Variants in ZBTB16 observed in about 807,000 individuals in gnomAD.
ZBTB16 encodes the protein zinc finger and BTB domain containing 16, also known as zinc finger and BTB domain-containing protein 16.
Under a neutral mutation model 56.8 loss-of-function variants are expected in ZBTB16, and 8 were observed. The observed-to-expected ratio is 0.14, with a 90% CI of 0.08 to 0.25. ZBTB16 has a LOEUF of 0.25. ZBTB16 is among the 10% of genes least tolerant of loss of function. The probability of loss-of-function intolerance (pLI) is 1.00; values close to 1 mark genes in which losing one functional copy is unlikely to be tolerated. For synonymous variants in ZBTB16, 363 were observed against 368.5 expected (o/e 0.98, Z 0.17); for missense variants, 625 against 903.0 (o/e 0.69, Z 3.95).
At chr11:114,144,152 CT>C (rs1009464341) in intron 2 of ZBTB16, among the ~76,000 whole-genome samples, 1 of 151,484 alleles carries the variant, frequency 6.6e-6, no homozygotes, top group African/African-American at 2.4e-5. Context: ...ACACAATCCC[CT>C]TTCTCTGGCC....
intron 2 of ZBTB16, among the ~76,000 whole-genome samples, chr11:114,072,748 T>A (rs1282186815): frequency 6.6e-6 from 1 of 152,078 alleles, no homozygotes; most frequent in Non-Finnish European, 1.5e-5. Flanking sequence ...TTAGTGGACT[T>A]TTCTCTAGTA....
intron 4 of ZBTB16, among the ~76,000 whole-genome samples, chr11:114,199,150 CA>C (rs1482234632): frequency 6.6e-6 from 1 of 152,186 alleles, no homozygotes; most frequent in African/African-American, 2.4e-5. Context: ...ACCGGGATGC[CA>C]GACACGGATG....
chr11:114,209,854 TC>T (rs1943960004), intron 4 of ZBTB16: 1 of 985,328 alleles, frequency 1.0e-6, no homozygotes, highest in Non-Finnish European at 1.2e-6. Context: ...GCTGTGGGTC[TC>T]ATGTTTGTTG....
intron 2 of ZBTB16, among the ~76,000 whole-genome samples, chr11:114,126,614 G>A (rs1368911343): frequency 5.9e-5 from 9 of 152,196 alleles, no homozygotes; most frequent in Non-Finnish European, 1.2e-4. Flanking sequence ...TTAGGGATCC[G>A]GCTGCAGTGA....
chr11:114,120,626 A>G (rs1006063563), intron 2 of ZBTB16, among the ~76,000 whole-genome samples: 2 of 152,068 alleles, frequency 1.3e-5, no homozygotes, highest in African/African-American at 2.4e-5. Flanking sequence ...CACACTCACC[A>G]CTGGCAACCA....
intron 2 of ZBTB16, among the ~76,000 whole-genome samples, chr11:114,124,557 C>CAAAAAAAAAAAAAAAAAA (rs1381254014): frequency 7.3e-5 from 3 of 41,056 alleles, no homozygotes; most frequent in African/African-American, 1.1e-4. Context: ...AAAAAAAAAC[C>CAAAAAAAAAAAAAAAAAA]AAAAAAAAAA....
Position 114,247,292 on chromosome 11 carries a change from C to G in ZBTB16, c.1719C>G (p.Pro573=), listed in dbSNP as rs1002706891. ...SHKRIHTGEK[P]YECNGCGKKF... Reference sequence around the variant, plus strand: ...AACGCATCCACACGGGTGAGAAACCCTACGAGTGCAATGGCTGTGGCAAGA... The same window carrying G: ...AACGCATCCACACGGGTGAGAAACCGTACGAGTGCAATGGCTGTGGCAAGA... Residue 573 remains proline, a synonymous_variant, in exon 6 of 7, where the codon CCC becomes CCG. Coordinates refer to ENST00000335953, the MANE Select transcript of ZBTB16 (RefSeq NM_006006.6). 2.5e-6 allele frequency: 4 copies of G among 1,614,236 alleles called. No homozygotes were observed. Among genetic ancestry groups the G allele is most frequent in the Non-Finnish European group, 3.4e-6 (4 of 1,180,032 alleles).
intron 4 of ZBTB16, among the ~76,000 whole-genome samples, chr11:114,199,414 G>A (rs373162605): frequency 5.9e-5 from 9 of 151,946 alleles, no homozygotes; most frequent in African/African-American, 2.2e-4. Flanking sequence ...GGACATGGAT[G>A]CTGGGCCCCG....
At chr11:114,179,779 A>G (rs1591756019) in intron 3 of ZBTB16, among the ~76,000 whole-genome samples, 1 of 151,614 alleles carries the variant, frequency 6.6e-6, no homozygotes, top group African/African-American at 2.4e-5. Flanking sequence ...ACACCACCCC[A>G]TATCTGATTG....
chr11:114,060,872 G>C lies in ZBTB16; in HGVS notation c.-91+990G>C, dbSNP rs1938818903. 6.6e-6 allele frequency among the ~76,000 whole-genome samples: 1 copy of C among 152,074 alleles called. No individual in the cohort carries two copies. Among genetic ancestry groups the C allele is most frequent in the Admixed American group, 6.5e-5 (1 of 15,282 alleles). ...CCCAGGGGGTCACGGCCCTGGGTCG[G>C]AGAGGGAGGGCGGGCAGACCCCTTC... On this transcript the variant is annotated intron_variant, in intron 1 of 6. Coordinates refer to ENST00000335953, the MANE Select transcript of ZBTB16 (RefSeq NM_006006.6). This position sits in a 1 kb window ranked among gnomAD's most constrained non-coding sequence, Gnocchi z 6.0.
At chr11:114,210,200 C>CGCGT (rs2135127853) in intron 4 of ZBTB16, among the ~76,000 whole-genome samples, 1 of 140,682 alleles carries the variant, frequency 7.1e-6, no homozygotes, top group South Asian at 2.2e-4. Context: ...TGTGCGTGCG[C>CGCGT]GCGCGTGCAC....
intron 5 of ZBTB16, among the ~76,000 whole-genome samples, chr11:114,244,537 C>T (rs539862583): frequency 1.3e-5 from 2 of 152,320 alleles, no homozygotes; most frequent in East Asian, 3.9e-4. Context: ...GCCACACTGA[C>T]ACAATCAGCT....
At chr11:114,142,083 G>A (rs771043282) in intron 2 of ZBTB16, among the ~76,000 whole-genome samples, 8 of 152,182 alleles carry the variant, frequency 5.3e-5, no homozygotes, top group Non-Finnish European at 1.0e-4. Flanking sequence ...AAGGCACTTG[G>A]GCTTCTGGAG....
intron 4 of ZBTB16, among the ~76,000 whole-genome samples, chr11:114,232,934 T>G (rs895032269): frequency 6.6e-6 from 1 of 152,130 alleles, no homozygotes; most frequent in Non-Finnish European, 1.5e-5. Flanking sequence ...GCTTAAGGCC[T>G]TGGACCCCGT....
At position 114,070,298 on chromosome 11, in the gene ZBTB16, C is replaced by T. The variant is rs574585286; in HGVS notation, c.1268+5730C>T. Among the ~76,000 whole-genome samples, 295 of 151,294 alleles carry T rather than the reference C, an allele frequency of 1.9e-3. 4 individuals carry two copies. Among genetic ancestry groups the T allele is most frequent in the South Asian group, 0.015 (72 of 4,752 alleles). On this transcript the variant is annotated intron_variant, in intron 2 of 6. Coordinates refer to ENST00000335953, the MANE Select transcript of ZBTB16 (RefSeq NM_006006.6). ...TAATTTTTTGTATTTTTAGTAGAGA[C>T]GGGGTTTCACCTTGTTAGCCAGGAT...
At chr11:114,203,862 A>G (rs909187336) in intron 4 of ZBTB16, among the ~76,000 whole-genome samples, 2 of 152,036 alleles carry the variant, frequency 1.3e-5, no homozygotes, top group African/African-American at 4.8e-5. Flanking sequence ...CCATTCCTCC[A>G]TTTTCAGAAA....
chr11:114,201,376 G>A (rs1273717889), intron 4 of ZBTB16, among the ~76,000 whole-genome samples: 2 of 152,100 alleles, frequency 1.3e-5, no homozygotes, highest in East Asian at 3.9e-4. Context: ...CCACCAAGCC[G>A]GGCCCAGGGT....
intron 4 of ZBTB16, among the ~76,000 whole-genome samples, chr11:114,234,960 G>A (rs905718660): frequency 6.6e-6 from 1 of 152,122 alleles, no homozygotes; most frequent in African/African-American, 2.4e-5. Context: ...CACGAAGGTT[G>A]CCCATGCTGG....
chr11:114,173,641 G>T (rs944607311), intron 3 of ZBTB16, among the ~76,000 whole-genome samples: 20 of 152,210 alleles, frequency 1.3e-4, no homozygotes, highest in Non-Finnish European at 1.5e-5. Flanking sequence ...TGAGTAAAGG[G>T]CAGACTATAA....
Sources: allele counts gnomAD v4.1 joint callset (sites outside exome capture counted in the v4.1 genomes callset), GRCh38; gene constraint gnomAD v4.1.1; non-coding constraint Gnocchi (gnomAD v3.1); transcripts MANE v1.5; gene names NCBI Gene and HGNC (gene_info 2026-07-23, HGNC 2026-07-21).